Variants in EPHA6 observed in about 807,000 individuals in gnomAD.
The protein encoded by EPHA6 is ephrin type-A receptor 6.
A neutral mutation model predicts 112.0 loss-of-function variants in EPHA6; 50 were observed. That is an observed-to-expected ratio of 0.45 (90% CI 0.36 to 0.56). The LOEUF (loss-of-function observed/expected upper bound fraction) is 0.56, where lower values mean the gene tolerates loss of function less well. EPHA6 is among the 20% of genes least tolerant of loss of function. The pLI is 0.00. For synonymous variants in EPHA6, 529 were observed against 490.7 expected (o/e 1.08, Z -1.03); for missense variants, 1,280 against 1,417.4 (o/e 0.90, Z 1.56).
intron 11 of EPHA6, among the ~76,000 whole-genome samples, chr3:97,553,743 T>C (rs1177700845): frequency 1.3e-5 from 2 of 152,104 alleles, no homozygotes; most frequent in Non-Finnish European, 2.9e-5. Flanking sequence ...CATTGTATCC[T>C]GATGGATGGG....
intron 14 of EPHA6, among the ~76,000 whole-genome samples, chr3:97,657,463 G>T (rs972856458): frequency 6.6e-6 from 1 of 151,750 alleles, no homozygotes; most frequent in African/African-American, 2.4e-5. Context: ...GAGTCATTAA[G>T]AAATGGAAAT....
chr3:97,608,644 C>T (rs918165180), intron 12 of EPHA6, among the ~76,000 whole-genome samples: 5 of 150,854 alleles, frequency 3.3e-5, no homozygotes, highest in South Asian at 2.1e-4. Context: ...TGGGGAGAGA[C>T]GGTAAGATTA....
chr3:97,186,552 G>A (rs16838453), intron 3 of EPHA6, among the ~76,000 whole-genome samples: 8,724 of 152,046 alleles, frequency 0.057, 638 homozygotes, highest in Admixed American at 0.2. Flanking sequence ...CAATGAAAAG[G>A]ATTTACTGGG....
intron 2 of EPHA6, among the ~76,000 whole-genome samples, chr3:96,942,702 T>A (rs2041037596): frequency 6.6e-6 from 1 of 152,194 alleles, no homozygotes; most frequent in South Asian, 2.1e-4. Flanking sequence ...GGTCTTCTGC[T>A]TTGCTCATGC....
At chr3:97,309,193 A>C (rs2081444625) in intron 5 of EPHA6, among the ~76,000 whole-genome samples, 2 of 151,678 alleles carry the variant, frequency 1.3e-5, no homozygotes, top group South Asian at 4.1e-4. Flanking sequence ...TATTATTTCT[A>C]ACACAGTCTG....
intron 3 of EPHA6, among the ~76,000 whole-genome samples, chr3:97,202,285 A>C (rs2077595348): frequency 1.3e-5 from 2 of 152,040 alleles, no homozygotes; most frequent in Admixed American, 1.3e-4. Flanking sequence ...AAGAAGCTTG[A>C]GGTCAATGCT....
intron 2 of EPHA6, among the ~76,000 whole-genome samples, chr3:96,901,347 G>A (rs2038599325): frequency 6.6e-6 from 1 of 152,012 alleles, no homozygotes; most frequent in Non-Finnish European, 1.5e-5. Flanking sequence ...GACTATACAT[G>A]TATGTATAAT....
At chr3:97,030,191 A>G (rs1450076868) in intron 3 of EPHA6, among the ~76,000 whole-genome samples, 1 of 152,090 alleles carries the variant, frequency 6.6e-6, no homozygotes, top group African/African-American at 2.4e-5. Flanking sequence ...AACTTGAGTT[A>G]TTACTACTGA....
chr3:97,213,763 G>C (rs778048744), intron 3 of EPHA6, among the ~76,000 whole-genome samples: 1 of 152,090 alleles, frequency 6.6e-6, no homozygotes, highest in African/African-American at 2.4e-5. Flanking sequence ...ACAGTTAAGC[G>C]GGAGAAAGAG....
chr3:97,333,413 G>T (rs1271068074), intron 5 of EPHA6, among the ~76,000 whole-genome samples: 2 of 147,276 alleles, frequency 1.4e-5, no homozygotes, highest in East Asian at 2.0e-4. Flanking sequence ...AGACAGTCAT[G>T]TCATCTGCAA....
chr3:97,611,907 C>T (rs1383997875), intron 13 of EPHA6, among the ~76,000 whole-genome samples: 1 of 151,848 alleles, frequency 6.6e-6, no homozygotes, highest in African/African-American at 2.4e-5. Context: ...CCTCTTCTTC[C>T]AACTGCTCTG....
At chr3:97,440,858 G>T (rs182602226) in intron 6 of EPHA6, among the ~76,000 whole-genome samples, 1 of 151,588 alleles carries the variant, frequency 6.6e-6, no homozygotes, top group South Asian at 2.1e-4. Flanking sequence ...TGTTATTTAC[G>T]TATGGAAGAG....
At chr3:97,005,497 C>A (rs185406385) in intron 3 of EPHA6, among the ~76,000 whole-genome samples, 2 of 152,254 alleles carry the variant, frequency 1.3e-5, no homozygotes, top group Admixed American at 1.3e-4. Flanking sequence ...AGTTGCTTAT[C>A]AGTTCAAGAG....
intron 3 of EPHA6, among the ~76,000 whole-genome samples, chr3:97,012,790 T>C (rs1461116333): frequency 6.6e-6 from 1 of 151,782 alleles, no homozygotes; most frequent in Non-Finnish European, 1.5e-5. Context: ...ATAATAGCCC[T>C]TCTGACTGAT....
intron 5 of EPHA6, among the ~76,000 whole-genome samples, chr3:97,251,635 T>C (rs879516765): frequency 5.3e-5 from 8 of 152,236 alleles, no homozygotes; most frequent in East Asian, 1.9e-4. Flanking sequence ...ATTGCAAAGA[T>C]TGAAAAACTA....
chr3:97,396,968 G>GTGTT (rs2086728820), intron 5 of EPHA6, among the ~76,000 whole-genome samples: 1 of 151,398 alleles, frequency 6.6e-6, no homozygotes, highest in African/African-American at 2.4e-5. Context: ...TTGTTACATA[G>GTGTT]TGTTTGGGAA....
In EPHA6 at chr3:97,554,290, C is replaced by A. The variant is rs576899339; in HGVS notation, c.2386+21747C>A. Among the ~76,000 whole-genome samples, 3 of 152,190 alleles carry A rather than the reference C, an allele frequency of 2.0e-5. No individual in the cohort carries two copies. In the East Asian group the frequency reaches 5.8e-4, roughly 29 times the overall value. On this transcript the variant is annotated intron_variant, in intron 11 of 17. Transcript: ENST00000389672. ...TGCCATCCAGTTGTATTCTCTAGAG[C>A]TAACCCTTGTTAATAATTCAGAGAT... is the stretch of plus-strand genomic sequence containing the variant.
chr3:97,519,089 G>A (rs2092495472), intron 10 of EPHA6, among the ~76,000 whole-genome samples: 1 of 152,090 alleles, frequency 6.6e-6, no homozygotes, highest in South Asian at 2.1e-4. Flanking sequence ...ATCCTGAAGT[G>A]TGTTCCCTAT....
At chr3:97,051,900 A>G (rs1559695744) in intron 3 of EPHA6, among the ~76,000 whole-genome samples, 2 of 152,140 alleles carry the variant, frequency 1.3e-5, no homozygotes, top group Admixed American at 1.3e-4. Flanking sequence ...GATATCATAC[A>G]TCTAATACTC....
Sources: gnomAD v4.1 joint callset for allele counts (sites outside exome capture counted in the v4.1 genomes callset) on GRCh38, gnomAD v4.1.1 for gene constraint, MANE v1.5 for transcripts, NCBI Gene and HGNC (gene_info 2026-07-23, HGNC 2026-07-21) for gene names.